CCAR2: variants seen among roughly 807,000 people sequenced by gnomAD.
CCAR2 encodes the protein cell cycle and apoptosis regulator protein 2.
In CCAR2, 21 loss-of-function variants were observed where a neutral mutation model predicts 108.1. That is an observed-to-expected ratio of 0.19 (90% confidence interval 0.14 to 0.28). The LOEUF is 0.28. CCAR2 is among the 10% of genes least tolerant of loss of function. The pLI, the probability that CCAR2 is intolerant of heterozygous loss-of-function variation, is 1.00. For synonymous variants in CCAR2, 577 were observed against 472.8 expected (o/e 1.22, Z -2.86); for missense variants, 1,126 against 1,177.0 (o/e 0.96, Z 0.63).
chr8:22,607,428 T>A, intron 6 of CCAR2, 103 bp downstream of exon 6: 1 of 1,370,020 alleles, frequency 7.3e-7, no homozygotes, highest in Non-Finnish European at 9.9e-7. Flanking sequence ...TACTTCTATG[T>A]ACTGGAAGAA....
intron 14 of CCAR2, among the ~76,000 whole-genome samples, chr8:22,617,004 C>G (rs899804679): frequency 3.4e-5 from 5 of 147,188 alleles, no homozygotes; most frequent in Middle Eastern, 3.3e-3. Context: ...GCCTCAGCCT[C>G]TCTCCAGTAG....
At chr8:22,606,446 C>G (rs905456350) in intron 3 of CCAR2, among the ~76,000 whole-genome samples, 161 bp from the exon 4 acceptor site, 1 of 152,206 alleles carries the variant, frequency 6.6e-6, no homozygotes, top group Admixed American at 6.5e-5. Context: ...GCCCCAACCC[C>G]TAATGATGGA....
In CCAR2 at chr8:22,617,795, A is replaced by T. The variant is rs1484920958; in HGVS notation, c.2073+17A>T. ...CAGGACATGGTGAGGCCTCTTCTCG[A>T]CCACTCTGGGTCTCAGTGGTGGTGA... On this transcript the variant is annotated intron_variant, in intron 16 of 20. Transcript: ENST00000308511. 1 of 1,612,174 alleles carries T rather than the reference A, an allele frequency of 6.2e-7. No homozygotes were observed. The highest frequency in any genetic ancestry group is 8.5e-7 in the Non-Finnish European group (1 of 1,179,590).
At position 22,614,447 on chromosome 8, in the gene CCAR2, G is replaced by T; in HGVS notation, c.985G>T (p.Val329Leu). ...EELYRCCMLF[V>L]DDMAEPRETP... ...ATTGTATCGTTGTTGCATGCTCTTT[G>T]TGGATGACATGGCTGAGCCAAGGGA... The change falls in exon 10 of 21, where the codon GTG becomes TTG. Residue 329 changes from valine to leucine, a missense_variant. By Grantham distance (32) the Val-to-Leu change is conservative. Around this residue, in one of 4 missense-constraint regions of CCAR2, gnomAD observed 1,013 missense variants for 993.9 expected, o/e 1.02. Transcript: ENST00000308511. 1.2e-6 allele frequency: 2 copies of T among 1,614,204 alleles called. No homozygotes were observed. The highest frequency in any genetic ancestry group is 1.6e-4 in the Middle Eastern group (1 of 6,062).
chr8:22,621,109 C>T (rs774267367), downstream of CCAR2: 23 of 310,380 alleles, frequency 7.4e-5, no homozygotes, highest in African/African-American at 1.9e-4. Context: ...ACTTAGCCAA[C>T]GAAGCCCATG....
Position 22,607,218 on chromosome 8 carries a change from C to G in CCAR2, c.380C>G (p.Pro127Arg). 6.2e-7 allele frequency: 1 copy of G among 1,614,086 alleles called. No individual in the cohort carries two copies. The highest frequency in any genetic ancestry group is 8.5e-7 in the Non-Finnish European group (1 of 1,180,004). The change falls in exon 6 of 21, where the codon CCT becomes CGT. Residue 127 changes from proline (P) to arginine (R), a missense_variant. Pro to Arg is a moderately radical substitution (Grantham distance 103, BLOSUM62 -2). Around this residue, in one of 4 missense-constraint regions of CCAR2, gnomAD observed 44 missense variants for 63.4 expected, o/e 0.69. Transcript: ENST00000308511. ...CAGCCCCTACTGAAGTCCCCAGCAC[C>G]TCCTCTTCTGCATGTAGCAGCCCTG... The part of the protein sequence containing the change: ...SNQPLLKSPA[P>R]PLLHVAALGQ...
intron 11 of CCAR2, 131 bp from the exon 12 acceptor site, chr8:22,615,294 G>C: frequency 8.6e-7 from 1 of 1,160,360 alleles, no homozygotes; most frequent in Non-Finnish European, 1.2e-6. Flanking sequence ...CTTTCCTGTT[G>C]TGTCTTCAAA....
At chr8:22,615,288 C>T in intron 11 of CCAR2, 137 bp from the exon 12 acceptor site, 1 of 1,122,240 alleles carries the variant, frequency 8.9e-7, no homozygotes, top group Non-Finnish European at 1.3e-6. Context: ...CTGTAGCTTT[C>T]CTGTTGTGTC....
chr8:22,607,422 TC>T, intron 6 of CCAR2, 97 bp downstream of exon 6: 1 of 1,459,830 alleles, frequency 6.9e-7, no homozygotes, highest in Non-Finnish European at 9.2e-7. Flanking sequence ...GGTGGGTACT[TC>T]TATGTACTGG....
At chr8:22,614,742 C>CTGCTGCATTCATCCTGATGGGT in intron 10 of CCAR2, 96 bp from the exon 11 acceptor site, 2 of 1,497,512 alleles carry the variant, frequency 1.3e-6, no homozygotes, top group Non-Finnish European at 1.8e-6. Flanking sequence ...TCCCCACTTC[C>CTGCTGCATTCATCCTGATGGGT]GGCTGCCTTC....
chr8:22,605,488 G>A (rs1045798886), intron 1 of CCAR2: 3 of 408,980 alleles, frequency 7.3e-6, no homozygotes, highest in Non-Finnish European at 1.3e-5. Context: ...CTGAGCATCA[G>A]TTTCCTTGTC....
chr8:22,619,352 A>AAAGGTAAGGTGGG lies in CCAR2; in HGVS notation c.2725_2727+10dup. On this transcript the variant is annotated frameshift_variant, in exon 20 of 21. Coordinates refer to ENST00000308511, the MANE Select transcript of CCAR2 (RefSeq NM_001393997.1). LOFTEE classifies it high-confidence loss of function. ...AGCTGGAGATCCAGCGGGTGGTGGA[A>AAAGGTAAGGTGGG]AAGGTAAGGTGGGGGTGGACCAGGA... The AAAGGTAAGGTGGG allele has an allele frequency of 1.9e-6, 3 of 1,557,416 alleles. No individual in the cohort carries two copies. Among genetic ancestry groups the AAAGGTAAGGTGGG allele is most frequent in the Non-Finnish European group, 2.6e-6 (3 of 1,151,398 alleles).
chr8:22,608,209 C>G (rs923862023), intron 7 of CCAR2, 144 bp downstream of exon 7: 12 of 619,506 alleles, frequency 1.9e-5, no homozygotes, highest in African/African-American at 1.9e-4. Flanking sequence ...CATTCTTTGC[C>G]TGCAGCTAGA....
Position 22,615,437 on chromosome 8 carries a change from C to T in CCAR2, c.1218C>T (p.Ala406=), listed in dbSNP as rs7001453. ...LSGCTKWWRF[A]EFQYLQPGPP... is the part of the protein sequence containing the mutation. ...TTGCCATGTGCAGGTGGCGCTTTGC[C>T]GAGTTTCAGTACCTGCAGCCGGGAC... Residue 406 remains alanine (A), a synonymous_variant, in exon 12 of 21, where the codon GCC becomes GCT. Coordinates refer to ENST00000308511, the MANE Select transcript of CCAR2 (RefSeq NM_001393997.1). The T allele has an allele frequency of 7.0e-3, 11,315 of 1,613,378 alleles. 675 individuals carry two copies. The African/African-American group carries it at 0.13, about 18-fold the overall frequency.
chr8:22,607,454 A>ATAGG (rs1307281408), intron 6 of CCAR2, 129 bp downstream of exon 6: 6 of 686,380 alleles, frequency 8.7e-6, no homozygotes, highest in Non-Finnish European at 1.1e-5. Flanking sequence ...GGCAATCTGG[A>ATAGG]TAGGTGTTTA....
At chr8:22,611,383 T>TAC (rs1476509026) in intron 7 of CCAR2, among the ~76,000 whole-genome samples, 1 of 108,982 alleles carries the variant, frequency 9.2e-6, no homozygotes, top group East Asian at 2.7e-4. Flanking sequence ...AAAAAAAGTA[T>TAC]ATATATGTGT....
intron 10 of CCAR2, 131 bp from the exon 11 acceptor site, chr8:22,614,707 T>TAGAG: frequency 2.1e-6 from 2 of 963,656 alleles, no homozygotes; most frequent in Non-Finnish European, 3.1e-6. Context: ...TGTTTGCAGA[T>TAGAG]AGAGACCTCA....
Position 22,616,866 on chromosome 8 carries a change from C to CTTTTTTT in CCAR2, c.1846-530_1846-524dup, listed in dbSNP as rs36086286. On this transcript the variant is annotated intron_variant, in intron 14 of 20. Coordinates refer to ENST00000308511, the MANE Select transcript of CCAR2 (RefSeq NM_001393997.1). ...AAACCTTTTCTAAAATACTAGTCTG[C>CTTTTTTT]TTTTTTTTTTTTTTTTTTTTTTTTT... Among the ~76,000 whole-genome samples the CTTTTTTT allele has an allele frequency of 4.4e-4, 24 of 54,730 alleles. 7 individuals carry two copies. The East Asian group carries it at 8.4e-3, about 19-fold the overall frequency. The allele number at this position is 54,730 out of a possible 152,430, so 35.9% of individuals were successfully genotyped here.
At chr8:22,612,990 TA>T in intron 7 of CCAR2, 26 bp from the exon 8 acceptor site, 1 of 1,604,904 alleles carries the variant, frequency 6.2e-7, no homozygotes, top group South Asian at 1.1e-5. Flanking sequence ...TGTGGTTTCT[TA>T]CTGTTGGTGA....
Sources: allele counts gnomAD v4.1 joint callset (sites outside exome capture counted in the v4.1 genomes callset), GRCh38; gene constraint gnomAD v4.1.1; regional missense constraint gnomAD v4.1.1; transcripts MANE v1.5; gene names NCBI Gene and HGNC (gene_info 2026-07-23, HGNC 2026-07-21).